Variants in RAMP1 observed in about 807,000 individuals in gnomAD.
The protein encoded by RAMP1 is receptor activity modifying protein 1, also known as receptor activity-modifying protein 1.
RAMP1 carries 7 observed loss-of-function variants against 8.2 expected under a neutral mutation model. That is an observed-to-expected ratio of 0.85 (90% CI 0.49 to 1.60). The LOEUF (loss-of-function observed/expected upper bound fraction) is 1.60, where lower values mean the gene tolerates loss of function less well. RAMP1 is among the 40% of genes most tolerant of loss of function. RAMP1 has a pLI of 0.00. For missense variants in RAMP1, 192 were observed against 202.4 expected (o/e 0.95, Z 0.31); for synonymous variants, 92 against 84.7 (o/e 1.09, Z -0.47).
At chr2:237,880,070 T>C (rs1313899054) in intron 2 of RAMP1, among the ~76,000 whole-genome samples, 1 of 150,992 alleles carries the variant, frequency 6.6e-6, no homozygotes, top group Non-Finnish European at 1.5e-5. Flanking sequence ...TCTCAGCACG[T>C]CAGCCCAGGC....
intron 2 of RAMP1, among the ~76,000 whole-genome samples, chr2:237,908,135 G>T (rs1440531120): frequency 6.6e-6 from 1 of 152,240 alleles, no homozygotes; most frequent in East Asian, 1.9e-4. Flanking sequence ...TCAGTGTGGT[G>T]CCCCACCCTC....
In RAMP1 at chr2:237,911,795, G is replaced by C; in HGVS notation, c.*12G>C. The C allele has an allele frequency of 6.3e-7, 1 of 1,584,964 alleles. No individual in the cohort carries two copies. ...AGGGCATTGTGTAGGCGGGGCCCAG[G>C]CTGCCCGCGGGTGCACCCAGGCTGC... is the stretch of plus-strand genomic sequence containing the variant. On this transcript the variant is annotated 3_prime_UTR_variant, in exon 3 of 3. Transcript: ENST00000254661.
At position 237,878,076 on chromosome 2, in the gene RAMP1, G is replaced by A; in HGVS notation, c.191+714G>A. The A allele has an allele frequency of 1.5e-5, 15 of 985,464 alleles. No homozygotes were observed. The highest frequency in any genetic ancestry group is 1.8e-5 in the Non-Finnish European group (15 of 829,930). 61.0% of individuals were successfully genotyped at this position (985,464 alleles called of 1,614,324 possible). The stretch of plus-strand genomic sequence containing the variant: ...TTCAAGTCCTTGTTTCTGCCTCCGT[G>A]GGAGGCGCTGGGGTGTCCTGGGGCT... On this transcript the variant is annotated intron_variant, in intron 2 of 2. Coordinates refer to ENST00000254661, the MANE Select transcript of RAMP1 (RefSeq NM_005855.4). This position sits in a 1 kb window ranked among gnomAD's most constrained non-coding sequence, Gnocchi z 5.7.
At chr2:237,872,184 C>T (rs2062252776) in intron 1 of RAMP1, among the ~76,000 whole-genome samples, 1 of 152,210 alleles carries the variant, frequency 6.6e-6, no homozygotes, top group African/African-American at 2.4e-5. Flanking sequence ...GCCAGCCCCT[C>T]AGCCAAGGAG....
chr2:237,877,894 C>T lies in RAMP1; in HGVS notation c.191+532C>T. On this transcript the variant is annotated intron_variant, in intron 2 of 2. Coordinates refer to ENST00000254661, the MANE Select transcript of RAMP1 (RefSeq NM_005855.4). The surrounding 1 kb of genome is among the most constrained non-coding windows in gnomAD (Gnocchi z 4.4). ...CCCCACCTGGCCCGATCCTCCTGCC[C>T]AAGGGCCCTTCTTCCCGCTTGAGGG... 1.1e-6 allele frequency: 1 copy of T among 942,282 alleles called. No individual in the cohort carries two copies. Among genetic ancestry groups the T allele is most frequent in the Non-Finnish European group, 1.3e-6 (1 of 790,726 alleles). 58.4% of individuals were successfully genotyped at this position (942,282 alleles called of 1,614,324 possible).
chr2:237,898,477 C>G (rs925506353), intron 2 of RAMP1, among the ~76,000 whole-genome samples: 1 of 152,218 alleles, frequency 6.6e-6, no homozygotes, highest in African/African-American at 2.4e-5. Context: ...GGGATGGGAG[C>G]AGCCACTCAC....
intron 2 of RAMP1, among the ~76,000 whole-genome samples, chr2:237,884,264 G>T (rs996090511): frequency 2.0e-5 from 3 of 152,154 alleles, no homozygotes; most frequent in African/African-American, 2.4e-5. Flanking sequence ...TTTACCAGGG[G>T]TTATCATCTC....
At chr2:237,906,379 GA>G (rs1218223030) in intron 2 of RAMP1, among the ~76,000 whole-genome samples, 2 of 152,126 alleles carry the variant, frequency 1.3e-5, no homozygotes, top group African/African-American at 4.8e-5. Flanking sequence ...AGCCAGGAAG[GA>G]AAAACAGTGA....
At chr2:237,859,560 A>G (rs1184950952), upstream of RAMP1, 6 of 691,752 alleles carry the variant, frequency 8.7e-6, no homozygotes, top group Non-Finnish European at 1.1e-5. Flanking sequence ...GCCGCCTCCC[A>G]CCGCTCCCGC....
intron 1 of RAMP1, among the ~76,000 whole-genome samples, chr2:237,873,710 G>A (rs1401688734): frequency 1.3e-5 from 2 of 152,230 alleles, no homozygotes; most frequent in Non-Finnish European, 2.9e-5. Flanking sequence ...CAGTCACACA[G>A]AGGAATGGAA....
At chr2:237,889,229 G>C (rs918196976) in intron 2 of RAMP1, among the ~76,000 whole-genome samples, 7 of 152,208 alleles carry the variant, frequency 4.6e-5, no homozygotes, top group Non-Finnish European at 1.0e-4. Flanking sequence ...CAGTGACCGT[G>C]TGACCTCCGC....
At position 237,859,655 on chromosome 2, in the gene RAMP1, G is replaced by A; in HGVS notation, c.-21G>A. 2 of 1,454,518 alleles carry A rather than the reference G, an allele frequency of 1.4e-6. No homozygotes were observed. Among genetic ancestry groups the A allele is most frequent in the Non-Finnish European group, 1.8e-6 (2 of 1,101,632 alleles). The allele number at this position is 1,454,518 out of a possible 1,614,324, so 90.1% of individuals were successfully genotyped here. The stretch of plus-strand genomic sequence containing the variant: ...AGCGGGGCGCGTGGCGAGCGGACTC[G>A]ACTCGGCACCGCTGTGCACCATGGC... On this transcript the variant is annotated 5_prime_UTR_variant, in exon 1 of 3. Transcript: ENST00000254661.
chr2:237,889,938 G>A (rs79482095), intron 2 of RAMP1, among the ~76,000 whole-genome samples: 515 of 152,060 alleles, frequency 3.4e-3, no homozygotes, highest in Non-Finnish European at 5.7e-3. Flanking sequence ...GCTTTTTAGC[G>A]AATAGTAGGA....
intron 1 of RAMP1, among the ~76,000 whole-genome samples, chr2:237,871,160 G>A (rs548619842): frequency 6.6e-6 from 1 of 152,312 alleles, no homozygotes; most frequent in East Asian, 1.9e-4. Flanking sequence ...AGTGGATGGC[G>A]GGAGTTTCTC....
intron 2 of RAMP1, among the ~76,000 whole-genome samples, chr2:237,893,460 A>G (rs1164942413): frequency 6.6e-6 from 1 of 152,144 alleles, no homozygotes; most frequent in Non-Finnish European, 1.5e-5. Flanking sequence ...GTTTCCGGAC[A>G]TGGTTCCTCC....
In RAMP1 at chr2:237,899,596, G is replaced by T. The variant is rs555310879; in HGVS notation, c.192-11932G>T. ...CTCCTTTAAATAAAATATGCTATGT[G>T]GCTAGATGAAGTTTGTTAGCATTGG... is the stretch of plus-strand genomic sequence containing the variant. On this transcript the variant is annotated intron_variant, in intron 2 of 2. Coordinates refer to ENST00000254661, the MANE Select transcript of RAMP1 (RefSeq NM_005855.4). Among the ~76,000 whole-genome samples the T allele has an allele frequency of 5.9e-5, 9 of 152,288 alleles. No homozygotes were observed. The South Asian group carries it at 1.9e-3, about 32-fold the overall frequency.
rs146327606 is a variant in RAMP1 at position 237,891,829 on chromosome 2, T to G, written c.191+14467T>G. Among the ~76,000 whole-genome samples the G allele has an allele frequency of 2.6e-3, 395 of 152,324 alleles. 3 individuals carry two copies. Among genetic ancestry groups the G allele is most frequent in the African/African-American group, 8.9e-3 (370 of 41,570 alleles). On this transcript the variant is annotated intron_variant, in intron 2 of 2. Coordinates refer to ENST00000254661, the MANE Select transcript of RAMP1 (RefSeq NM_005855.4). ...AGTATTTTAATTTTATAATCATATT[T>G]TTATCATTTCTACTTCTTTTTTCTC...
At chr2:237,903,282 T>C (rs2062623826) in intron 2 of RAMP1, among the ~76,000 whole-genome samples, 1 of 152,232 alleles carries the variant, frequency 6.6e-6, no homozygotes, top group Admixed American at 6.5e-5. Flanking sequence ...GTTTGCTGTT[T>C]TTCATAATTA....
chr2:237,868,248 T>G (rs941848217), intron 1 of RAMP1, among the ~76,000 whole-genome samples: 3 of 152,130 alleles, frequency 2.0e-5, no homozygotes, highest in Non-Finnish European at 4.4e-5. Context: ...TTCACCATGT[T>G]GGCCAGGCTG....
Sources: gnomAD v4.1 joint callset for allele counts (sites outside exome capture counted in the v4.1 genomes callset) on GRCh38, gnomAD v4.1.1 for gene constraint, Gnocchi (gnomAD v3.1) non-coding constraint, MANE v1.5 for transcripts, NCBI Gene and HGNC (gene_info 2026-07-23, HGNC 2026-07-21) for gene names.